Variants in PNPLA7 observed in about 807,000 individuals in gnomAD.
The protein encoded by PNPLA7 is patatin-like phospholipase domain-containing protein 7.
A neutral mutation model predicts 161.7 loss-of-function variants in PNPLA7; 153 were observed. The observed-to-expected ratio is 0.95, with a 90% CI of 0.83 to 1.08. PNPLA7 has a LOEUF of 1.08. Among genes scored for constraint, PNPLA7 ranks in the 50% least tolerant of loss-of-function variants. The pLI is 0.00. For synonymous variants in PNPLA7, 809 were observed against 782.1 expected (o/e 1.03, Z -0.57); for missense variants, 1,739 against 1,856.6 (o/e 0.94, Z 1.16).
intron 8 of PNPLA7, among the ~76,000 whole-genome samples, chr9:137,538,876 AC>A: frequency 6.6e-6 from 1 of 151,964 alleles, no homozygotes; most frequent in Non-Finnish European, 1.5e-5. Flanking sequence ...ACATGGTGAA[AC>A]CCCGTCTGTA....
intron 11 of PNPLA7, among the ~76,000 whole-genome samples, chr9:137,519,219 G>A (rs1044462176): frequency 1.3e-5 from 2 of 152,224 alleles, no homozygotes; most frequent in African/African-American, 2.4e-5. Flanking sequence ...ATAACCAAGC[G>A]CGCACCTCAT....
At chr9:137,487,901 C>A (rs1024548650) in intron 20 of PNPLA7, among the ~76,000 whole-genome samples, 21 of 152,364 alleles carry the variant, frequency 1.4e-4, no homozygotes, top group African/African-American at 4.8e-4. Flanking sequence ...CTTCACCGCA[C>A]GCACTTCAGC....
At chr9:137,474,848 T>C (rs891496011) in intron 25 of PNPLA7, among the ~76,000 whole-genome samples, 1 of 119,430 alleles carries the variant, frequency 8.4e-6, no homozygotes, top group Non-Finnish European at 1.7e-5. Context: ...CCATCTCTAC[T>C]AAAAATACAA....
rs112622812 is a variant in PNPLA7, at chr9:137,501,822, C to T, written c.1474-95G>A. ...CACTGGGCTGTTCAGGGGCAACGAGCGGTGAGGCCAGAGGCCGGGCAAGGC... is the reference window on the plus strand; with the variant it reads ...CACTGGGCTGTTCAGGGGCAACGAGTGGTGAGGCCAGAGGCCGGGCAAGGC... On this transcript the variant is annotated intron_variant, in intron 14 of 34. Transcript: ENST00000406427. 278 of 1,298,596 alleles carry T rather than the reference C, an allele frequency of 2.1e-4. 1 individual carries two copies. Among genetic ancestry groups the T allele is most frequent in the South Asian group, 1.1e-3 (82 of 76,852 alleles). 80.4% of individuals were successfully genotyped at this position (1,298,596 alleles called of 1,614,324 possible). A position where few individuals can be genotyped will look rare whatever the true frequency, so the allele number is the denominator to read the frequency against.
intron 25 of PNPLA7, 150 bp downstream of exon 25, chr9:137,477,883 CG>C: frequency 1.8e-6 from 1 of 549,722 alleles, no homozygotes; most frequent in East Asian, 3.5e-5. Flanking sequence ...GAGGACAGGC[CG>C]GGGTGGAGGC....
In PNPLA7 at chr9:137,499,119, GACACACAGAC is replaced by G. The variant is rs1308383382; in HGVS notation, c.1758-884_1758-875del. ...CACACCATGCACGGACACACAGGCAGACACACAGACACACACAGACACACGGAGACAGAGA... is the reference window on the plus strand; with the variant it reads ...CACACCATGCACGGACACACAGGCAGACACACAGACACACGGAGACAGAGA... On this transcript the variant is annotated intron_variant, in intron 16 of 34. Coordinates refer to ENST00000406427, the MANE Select transcript of PNPLA7 (RefSeq NM_001098537.3). This position sits in a 1 kb window ranked among gnomAD's most constrained non-coding sequence, Gnocchi z 5.5. Among the ~76,000 whole-genome samples the G allele has an allele frequency of 3.3e-5, 5 of 151,812 alleles. No homozygotes were observed. The highest frequency in any genetic ancestry group is 6.6e-5 in the Admixed American group (1 of 15,226).
In PNPLA7 at chr9:137,476,741, G is replaced by T. The variant is rs1339940889; in HGVS notation, c.2882+1293C>A. Among the ~76,000 whole-genome samples, 1 of 152,176 alleles carries T rather than the reference G, an allele frequency of 6.6e-6. No individual in the cohort carries two copies. Among genetic ancestry groups the T allele is most frequent in the Non-Finnish European group, 1.5e-5 (1 of 68,030 alleles). ...CTGCTGATGTGGCCTGGGCTCAACT[G>T]CTCCAAGTCCCTGCACTGTCCCAGA... is the stretch of plus-strand genomic sequence containing the variant. On this transcript the variant is annotated intron_variant, in intron 25 of 34. Transcript: ENST00000406427. This position sits in a 1 kb window ranked among gnomAD's most constrained non-coding sequence, Gnocchi z 4.5.
intron 11 of PNPLA7, 132 bp from the exon 12 acceptor site, chr9:137,515,651 C>T (rs957145655): frequency 3.5e-6 from 4 of 1,158,870 alleles, no homozygotes; most frequent in Admixed American, 6.3e-5. Flanking sequence ...TGGACCAGCC[C>T]ACCGGCCACC....
chr9:137,547,178 C>T lies in PNPLA7; in HGVS notation c.193+131G>A. Reference sequence around the variant, plus strand: ...GGAACCGACGGGCTCAGCCTGAGCCCAGACGGGCCATCAGATTCTAGCCAA... The same window carrying T: ...GGAACCGACGGGCTCAGCCTGAGCCTAGACGGGCCATCAGATTCTAGCCAA... On this transcript the variant is annotated intron_variant, in intron 3 of 34. Transcript: ENST00000406427. This position sits in a 1 kb window ranked among gnomAD's most constrained non-coding sequence, Gnocchi z 4.6. The T allele has an allele frequency of 3.2e-6, 3 of 950,452 alleles. No individual in the cohort carries two copies. The highest frequency in any genetic ancestry group is 5.0e-6 in the Non-Finnish European group (3 of 604,202). 58.9% of individuals were successfully genotyped at this position (950,452 alleles called of 1,614,324 possible). A position where few individuals can be genotyped will look rare whatever the true frequency, so the allele number is the denominator to read the frequency against.
chr9:137,509,721 C>T, intron 12 of PNPLA7: 1 of 455,844 alleles, frequency 2.2e-6, no homozygotes. Flanking sequence ...AGGCATGGAG[C>T]AGCCACAGCA....
At chr9:137,530,634 G>A (rs1835538902) in intron 8 of PNPLA7, among the ~76,000 whole-genome samples, 1 of 152,208 alleles carries the variant, frequency 6.6e-6, no homozygotes, top group South Asian at 2.1e-4. Context: ...GTTTTTCACT[G>A]TAATCAGCAG....
rs139842487 is a variant in PNPLA7 at position 137,501,675 on chromosome 9, G to A, written c.1526C>T (p.Thr509Met). The A allele has an allele frequency of 6.8e-5, 110 of 1,612,122 alleles. No individual in the cohort carries two copies. Among genetic ancestry groups the A allele is most frequent in the African/African-American group, 4.7e-4 (35 of 74,804 alleles). Residue 509 changes from threonine (T) to methionine (M), a missense_variant, in exon 15 of 35, where the codon ACG becomes ATG. Thr to Met is a moderately conservative substitution (Grantham distance 81). Coordinates refer to ENST00000406427, the MANE Select transcript of PNPLA7 (RefSeq NM_001098537.3). ...RVALLHVPAG[T>M]VVSRQGDQDA... Reference sequence around the variant, plus strand: ...CTGGTCTCCCTGCCTTGACACCACCGTGCCTGCAGGAACGTGCAGAAGCGC... The same window carrying A: ...CTGGTCTCCCTGCCTTGACACCACCATGCCTGCAGGAACGTGCAGAAGCGC...
Position 137,523,059 on chromosome 9 carries a change from G to A in PNPLA7, c.748-202C>T, listed in dbSNP as rs536385965. 5.9e-5 allele frequency among the ~76,000 whole-genome samples: 9 copies of A among 152,254 alleles called. No homozygotes were observed. The highest frequency in any genetic ancestry group is 3.4e-3 in the Middle Eastern group (1 of 294). ...TTTGACTGTCCAAGACATGTGCGGC[G>A]AAGGACTGGCTGACGATGAAATGTG... On this transcript the variant is annotated intron_variant, in intron 8 of 34. Transcript: ENST00000406427. The surrounding 1 kb of genome is among the most constrained non-coding windows in gnomAD (Gnocchi z 4.4).
rs774310424 is a variant in PNPLA7, at chr9:137,462,742, C to A, written c.3435G>T (p.Ala1145=). Residue 1145 remains alanine, a synonymous_variant, in exon 30 of 35, where the codon GCG becomes GCT. Coordinates refer to ENST00000406427, the MANE Select transcript of PNPLA7 (RefSeq NM_001098537.3). Reference sequence around the variant, plus strand: ...TCCACAGCAGCCACCACCCAGACAGCGCATCCCCATAGTTGGTGAGGTCCG... The same window carrying A: ...TCCACAGCAGCCACCACCCAGACAGAGCATCCCCATAGTTGGTGAGGTCCG... The part of the protein sequence containing the change: ...DETDLTNYGD[A]LSGWWLLWKR... 1.2e-6 allele frequency: 2 copies of A among 1,614,020 alleles called. No individual in the cohort carries two copies. Among genetic ancestry groups the A allele is most frequent in the Non-Finnish European group, 1.7e-6 (2 of 1,179,998 alleles).
chr9:137,501,811 G>C, intron 14 of PNPLA7, 84 bp from the exon 15 acceptor site: 2 of 1,392,604 alleles, frequency 1.4e-6, no homozygotes, highest in South Asian at 1.2e-5. Context: ...GGGCTGTTCA[G>C]GGGCAACGAG....
intron 19 of PNPLA7, 72 bp downstream of exon 19, chr9:137,494,961 C>A: frequency 7.2e-7 from 1 of 1,386,188 alleles, no homozygotes; most frequent in Non-Finnish European, 1.0e-6. Flanking sequence ...CCCGCTCCGC[C>A]CTCACCTGTT....
intron 20 of PNPLA7, among the ~76,000 whole-genome samples, chr9:137,492,710 G>A (rs1832835163): frequency 6.8e-6 from 1 of 146,258 alleles, no homozygotes; most frequent in Non-Finnish European, 1.5e-5. Context: ...CATGGGCTGG[G>A]TAGGCAGGGC....
At chr9:137,474,436 G>T (rs1026775884) in intron 25 of PNPLA7, among the ~76,000 whole-genome samples, 1 of 152,128 alleles carries the variant, frequency 6.6e-6, no homozygotes, top group Non-Finnish European at 1.5e-5. Context: ...CGTGATCAAC[G>T]CCAGACACCA....
intron 12 of PNPLA7, among the ~76,000 whole-genome samples, chr9:137,506,388 A>G (rs1833924484): frequency 6.6e-6 from 1 of 152,186 alleles, no homozygotes; most frequent in Admixed American, 6.5e-5. Context: ...CCTGGTCCTG[A>G]GCCAAATTCC....
Sources: gnomAD v4.1 joint callset for allele counts (sites outside exome capture counted in the v4.1 genomes callset) on GRCh38, gnomAD v4.1.1 for gene constraint, Gnocchi (gnomAD v3.1) non-coding constraint, MANE v1.5 for transcripts, NCBI Gene and HGNC (gene_info 2026-07-23, HGNC 2026-07-21) for gene names.